Variants in XPR1 observed in about 807,000 individuals in gnomAD.
XPR1 encodes the protein xenotropic and polytropic retrovirus receptor 1, also known as solute carrier family 53 member 1.
A neutral mutation model predicts 87.5 loss-of-function variants in XPR1; 28 were observed. The observed-to-expected ratio is 0.32, with a 90% CI of 0.24 to 0.44. The LOEUF is 0.44. Ranked by LOEUF, XPR1 falls within the 20% of genes least tolerant of loss-of-function variation. XPR1 has a pLI of 1.00. For synonymous variants in XPR1, 300 were observed against 306.1 expected, an observed-to-expected ratio of 0.98 and a Z score of 0.21; for missense variants, 559 against 862.3, an observed-to-expected ratio of 0.65 and a Z score of 4.41.
At chr1:180,872,978 G>C (rs1292947113) in intron 12 of XPR1, among the ~76,000 whole-genome samples, 6 of 150,786 alleles carry the variant, frequency 4.0e-5, no homozygotes, top group African/African-American at 1.5e-4. Flanking sequence ...TTTTAGAATA[G>C]CATTCTCACA....
intron 1 of XPR1, among the ~76,000 whole-genome samples, chr1:180,676,840 A>G (rs1656383896): frequency 6.6e-6 from 1 of 152,216 alleles, no homozygotes; most frequent in Non-Finnish European, 1.5e-5. Flanking sequence ...TAAGAATGTG[A>G]TCTTAGAAAA....
intron 9 of XPR1, 25 bp from the exon 10 acceptor site, chr1:180,834,848 GT>G: frequency 6.3e-7 from 1 of 1,587,398 alleles, no homozygotes; most frequent in East Asian, 2.2e-5. Context: ...TTGTTTCTGT[GT>G]TTTCTGATTT....
intron 3 of XPR1, among the ~76,000 whole-genome samples, chr1:180,799,786 G>T (rs1649713927): frequency 6.6e-6 from 1 of 152,170 alleles, no homozygotes. Flanking sequence ...TGCATTATCA[G>T]ATGTGTAGCT....
rs536196373 is a variant in XPR1 at position 180,808,850 on chromosome 1, A to G, written c.681+2293A>G. ...GCTTTGGTGGAATATAAAATGTATAATGAATAAGCACATTTGAAAACAGTT... is the reference window on the plus strand; with the variant it reads ...GCTTTGGTGGAATATAAAATGTATAGTGAATAAGCACATTTGAAAACAGTT... On this transcript the variant is annotated intron_variant, in intron 6 of 14. Coordinates refer to ENST00000367590, the MANE Select transcript of XPR1 (RefSeq NM_004736.4). Among the ~76,000 whole-genome samples the G allele has an allele frequency of 2.0e-5, 3 of 152,328 alleles. No individual in the cohort carries two copies. In the South Asian group the frequency reaches 6.2e-4, roughly 32 times the overall value.
chr1:180,739,368 A>G (rs1052700000), intron 2 of XPR1, among the ~76,000 whole-genome samples: 2 of 151,974 alleles, frequency 1.3e-5, no homozygotes, highest in African/African-American at 2.4e-5. Context: ...TTGTCTTTCT[A>G]TTGGCTTTTG....
intron 1 of XPR1, among the ~76,000 whole-genome samples, chr1:180,679,827 T>C (rs1246061902): frequency 6.6e-6 from 1 of 152,094 alleles, no homozygotes; most frequent in Non-Finnish European, 1.5e-5. Context: ...AGGACATTGG[T>C]CTGGGAAAAG....
rs1649087099 is a variant in XPR1 at position 180,785,028 on chromosome 1, T to TGTGTGTGTGTGTGTGTGTGC, written c.122-2707_122-2706insGCGTGTGTGTGTGTGTGTGT. Among the ~76,000 whole-genome samples the TGTGTGTGTGTGTGTGTGTGC allele has an allele frequency of 4.6e-5, 7 of 151,054 alleles. No homozygotes were observed. The South Asian group carries it at 1.1e-3, about 23-fold the overall frequency. On this transcript the variant is annotated intron_variant, in intron 2 of 14. Transcript: ENST00000367590. ...GTGTGTGTTTGTGTGTGTGTGTGTG[T>TGTGTGTGTGTGTGTGTGTGC]GTGTGTGTGTGTGTGTGTTACTATA...
At chr1:180,816,913 T>C (rs1650431013) in intron 7 of XPR1, among the ~76,000 whole-genome samples, 1 of 152,044 alleles carries the variant, frequency 6.6e-6, no homozygotes, top group Non-Finnish European at 1.5e-5. Context: ...CTTCGGGAGG[T>C]GTTCCAGAAG....
intron 11 of XPR1, among the ~76,000 whole-genome samples, chr1:180,844,695 C>G (rs574670815): frequency 2.6e-5 from 4 of 152,346 alleles, no homozygotes; most frequent in African/African-American, 7.2e-5. Flanking sequence ...AGCCTTCAGG[C>G]TGCTATTCTG....
intron 2 of XPR1, among the ~76,000 whole-genome samples, chr1:180,769,715 T>A (rs1397137949): frequency 6.6e-6 from 1 of 152,224 alleles, no homozygotes; most frequent in African/African-American, 2.4e-5. Flanking sequence ...AAGTCTTGGC[T>A]ATTGTGAACG....
chr1:180,658,166 G>A (rs60089269), intron 1 of XPR1, among the ~76,000 whole-genome samples: 1 of 152,092 alleles, frequency 6.6e-6, no homozygotes, highest in African/African-American at 2.4e-5. Context: ...CATTTGTTTA[G>A]CAATTCTAAT....
At chr1:180,656,443 A>AATATATATTATATAT (rs1553232986) in intron 1 of XPR1, among the ~76,000 whole-genome samples, 1 of 5,476 alleles carries the variant, frequency 1.8e-4, no homozygotes, top group African/African-American at 5.3e-4. Context: ...ATTTATATAT[A>AATATATATTATATAT]AATATTTATA....
intron 2 of XPR1, among the ~76,000 whole-genome samples, chr1:180,705,262 C>G (rs1157169782): frequency 6.6e-6 from 1 of 152,082 alleles, no homozygotes; most frequent in African/African-American, 2.4e-5. Context: ...AAACAGAGTG[C>G]CAATTCGTGT....
intron 1 of XPR1, among the ~76,000 whole-genome samples, chr1:180,642,191 G>A (rs1184207823): frequency 6.6e-6 from 1 of 152,044 alleles, no homozygotes; most frequent in African/African-American, 2.4e-5. Context: ...AGGCTTGAGG[G>A]GTCAGGTAAC....
intron 11 of XPR1, among the ~76,000 whole-genome samples, chr1:180,841,633 G>T (rs1026532012): frequency 6.6e-6 from 1 of 152,074 alleles, no homozygotes; most frequent in Admixed American, 6.5e-5. Context: ...ACTTGCACAG[G>T]GCAAGTATCG....
chr1:180,764,933 C>T (rs1218901683), intron 2 of XPR1, among the ~76,000 whole-genome samples: 1 of 151,494 alleles, frequency 6.6e-6, no homozygotes, highest in African/African-American at 2.4e-5. Flanking sequence ...CTGCAGGCGC[C>T]CACCACCACA....
At position 180,695,445 on chromosome 1, in the gene XPR1, C is replaced by T. The variant is rs538498004; in HGVS notation, c.121+13034C>T. Among the ~76,000 whole-genome samples, 183 of 57,648 alleles carry T rather than the reference C, an allele frequency of 3.2e-3. No individual in the cohort carries two copies. In the East Asian group the frequency reaches 0.091, roughly 29 times the overall value. 37.8% of individuals were successfully genotyped at this position (57,648 alleles called of 152,430 possible). On this transcript the variant is annotated intron_variant, in intron 2 of 14. Coordinates refer to ENST00000367590, the MANE Select transcript of XPR1 (RefSeq NM_004736.4). ...GTGTGTGTGTGTGTGTGTGTGTATGCGCGCGCACGCGCGCGCTTTTGTTGC... is the reference window on the plus strand; with the variant it reads ...GTGTGTGTGTGTGTGTGTGTGTATGTGCGCGCACGCGCGCGCTTTTGTTGC...
intron 3 of XPR1, among the ~76,000 whole-genome samples, chr1:180,801,197 A>G (rs1649768964): frequency 6.6e-6 from 1 of 152,254 alleles, no homozygotes; most frequent in African/African-American, 2.4e-5. Flanking sequence ...CTCAATAGAT[A>G]CATCTCTCAT....
intron 1 of XPR1, among the ~76,000 whole-genome samples, chr1:180,664,509 C>T (rs1208108295): frequency 6.6e-6 from 1 of 152,152 alleles, no homozygotes; most frequent in East Asian, 1.9e-4. Context: ...CAGTTGGTAT[C>T]CCAGTTGCAA....
Sources: gnomAD v4.1 joint callset for allele counts (sites outside exome capture counted in the v4.1 genomes callset) on GRCh38, gnomAD v4.1.1 for gene constraint, MANE v1.5 for transcripts, NCBI Gene and HGNC (gene_info 2026-07-23, HGNC 2026-07-21) for gene names.